Variants in SNX18 observed in about 807,000 individuals in gnomAD.
SNX18 encodes the protein sorting nexin 18.
SNX18 carries 35 observed loss-of-function variants against 48.7 expected under a neutral mutation model. The observed-to-expected ratio is 0.72, with a 90% CI of 0.55 to 0.95. The LOEUF (loss-of-function observed/expected upper bound fraction) is 0.95. SNX18 is among the 40% of genes least tolerant of loss of function. The probability of loss-of-function intolerance (pLI) is 0.00; values close to 1 mark genes in which losing one functional copy is unlikely to be tolerated. For missense variants in SNX18, 824 were observed against 871.0 expected, an observed-to-expected ratio of 0.95 and a Z score of 0.68; for synonymous variants, 492 against 384.7, an observed-to-expected ratio of 1.28 and a Z score of -3.26.
At chr5:54,589,794 T>C in the SNX18 span, among the ~76,000 whole-genome samples, 2 of 152,304 alleles carry the variant, frequency 1.3e-5, no homozygotes, top group Non-Finnish European at 2.9e-5. Context: ...CCCTGTGATA[T>C]TGATTCTCTT....
At chr5:54,601,627 G>A in the SNX18 span, among the ~76,000 whole-genome samples, 1 of 152,106 alleles carries the variant, frequency 6.6e-6, no homozygotes, top group Non-Finnish European at 1.5e-5. Context: ...ACAGTGACCA[G>A]CAGCAGCACA....
At chr5:54,564,733 C>T in the SNX18 span, among the ~76,000 whole-genome samples, 3 of 152,292 alleles carry the variant, frequency 2.0e-5, no homozygotes, top group South Asian at 2.1e-4. Flanking sequence ...TGGTACGTGC[C>T]TGTAGTCCCA....
chr5:54,602,863 C>T, the SNX18 span, among the ~76,000 whole-genome samples: 1 of 152,198 alleles, frequency 6.6e-6, no homozygotes, highest in Middle Eastern at 3.4e-3. Flanking sequence ...GACTGCCTTT[C>T]CCTGGCACTG....
At chr5:54,621,054 C>A in the SNX18 span, among the ~76,000 whole-genome samples, 269 of 152,266 alleles carry the variant, frequency 1.8e-3, 1 homozygote, top group African/African-American at 6.3e-3. Flanking sequence ...CCCAGTAAAT[C>A]CTTTATGGTT....
downstream of SNX18, among the ~76,000 whole-genome samples, chr5:54,551,089 AAAG>A (rs1171094061): frequency 2.6e-5 from 4 of 152,048 alleles, no homozygotes; most frequent in Non-Finnish European, 4.4e-5. Context: ...CAAAAAAAAA[AAAG>A]AAAAAAAAAG....
the SNX18 span, among the ~76,000 whole-genome samples, chr5:54,607,892 C>G: frequency 6.6e-6 from 1 of 152,118 alleles, no homozygotes; most frequent in South Asian, 2.1e-4. Context: ...CAAGATCATG[C>G]CACTGCACTC....
downstream of SNX18, among the ~76,000 whole-genome samples, chr5:54,548,098 T>C (rs1425908213): frequency 6.6e-6 from 1 of 152,124 alleles, no homozygotes; most frequent in Non-Finnish European, 1.5e-5. Flanking sequence ...TTTCCAGGGA[T>C]CACAAGTCCT....
chr5:54,576,070 A>C, the SNX18 span, among the ~76,000 whole-genome samples: 1 of 152,190 alleles, frequency 6.6e-6, no homozygotes, highest in Admixed American at 6.5e-5. Context: ...ATGTCAGTTT[A>C]TTAGATCGAC....
the SNX18 span, among the ~76,000 whole-genome samples, chr5:54,581,796 T>C: frequency 6.6e-6 from 1 of 152,224 alleles, no homozygotes. Context: ...GCTGGTTTTA[T>C]TGAACCTAAT....
At chr5:54,646,478 C>T in the SNX18 span, among the ~76,000 whole-genome samples, 440 of 152,332 alleles carry the variant, frequency 2.9e-3, 9 homozygotes, top group Admixed American at 0.026. Flanking sequence ...CTGCGTTAGC[C>T]GCATTGCGGG....
intron 1 of SNX18, 50 bp from the exon 2 acceptor site, chr5:54,543,128 TG>T (rs748002372): frequency 1.3e-6 from 2 of 1,552,194 alleles, no homozygotes; most frequent in African/African-American, 2.8e-5. Context: ...GTTATGTTCT[TG>T]GGATATGTGG....
the SNX18 span, among the ~76,000 whole-genome samples, chr5:54,572,105 C>A: frequency 6.6e-6 from 1 of 152,130 alleles, no homozygotes; most frequent in Non-Finnish European, 1.5e-5. Flanking sequence ...ATGGTGCCAG[C>A]CTCCTTTTCA....
the SNX18 span, among the ~76,000 whole-genome samples, chr5:54,569,611 G>A: frequency 6.6e-6 from 1 of 152,112 alleles, no homozygotes; most frequent in South Asian, 2.1e-4. Flanking sequence ...CACCTGGGTT[G>A]AGTAAATTGG....
the SNX18 span, among the ~76,000 whole-genome samples, chr5:54,632,468 G>C: frequency 6.6e-6 from 1 of 152,194 alleles, no homozygotes; most frequent in East Asian, 1.9e-4. Context: ...ATGGTGGCCT[G>C]GACACAGTCA....
the SNX18 span, among the ~76,000 whole-genome samples, chr5:54,624,191 C>T: frequency 2.6e-5 from 4 of 152,204 alleles, no homozygotes; most frequent in African/African-American, 9.6e-5. Flanking sequence ...TAGTATCAAT[C>T]ATATACCACA....
chr5:54,642,809 T>C, the SNX18 span, among the ~76,000 whole-genome samples: 1 of 152,212 alleles, frequency 6.6e-6, no homozygotes, highest in Non-Finnish European at 1.5e-5. Flanking sequence ...CTCCCTACTG[T>C]CAATTGTATC....
intron 1 of SNX18, among the ~76,000 whole-genome samples, chr5:54,525,925 A>C (rs957307685): frequency 6.6e-6 from 1 of 152,180 alleles, no homozygotes; most frequent in Non-Finnish European, 1.5e-5. Flanking sequence ...ATGCACGTTT[A>C]GTTCAGATCA....
the SNX18 span, among the ~76,000 whole-genome samples, chr5:54,605,647 G>T: frequency 6.6e-6 from 1 of 152,090 alleles, no homozygotes; most frequent in African/African-American, 2.4e-5. Flanking sequence ...GATTTTTTAT[G>T]ATCAATTTTG....
chr5:54,551,479 A>G (rs987100520), downstream of SNX18, among the ~76,000 whole-genome samples: 2 of 152,154 alleles, frequency 1.3e-5, no homozygotes, highest in African/African-American at 4.8e-5. Flanking sequence ...TTTGCAACTA[A>G]TTACGTAAGA....
Sources: allele counts gnomAD v4.1 joint callset (sites outside exome capture counted in the v4.1 genomes callset), GRCh38; gene constraint gnomAD v4.1.1; transcripts MANE v1.5; gene names NCBI Gene and HGNC (gene_info 2026-07-23, HGNC 2026-07-21).